The following IL1RAPL1 variants were observed in gnomAD, a reference collection of about 807,000 sequenced individuals.
The protein encoded by IL1RAPL1 is interleukin 1 receptor accessory protein like 1, also known as interleukin-1 receptor accessory protein-like 1.
A neutral mutation model predicts 48.4 loss-of-function variants in IL1RAPL1; 3 were observed. The ratio of observed to expected loss-of-function variants is 0.06; its 90% CI spans 0.03 to 0.16. The LOEUF is 0.16. IL1RAPL1 is among the 10% of genes least tolerant of loss of function. The pLI, the probability that IL1RAPL1 is intolerant of heterozygous loss-of-function variation, is 1.00. For synonymous variants in IL1RAPL1, 185 were observed against 187.7 expected (o/e 0.99, Z 0.12); for missense variants, 349 against 530.6 (o/e 0.66, Z 3.36).
chrX:28,632,617 A>C (rs1214260328), intron 1 of IL1RAPL1, among the ~76,000 whole-genome samples: 1 of 112,008 alleles, frequency 8.9e-6, no homozygotes, highest in East Asian at 2.8e-4. Flanking sequence ...TACCATGTCA[A>C]ACATTAAAAT....
At chrX:29,150,600 A>G (rs1929443563) in intron 2 of IL1RAPL1, among the ~76,000 whole-genome samples, 1 of 110,346 alleles carries the variant, frequency 9.1e-6, no homozygotes, top group Non-Finnish European at 1.9e-5. Context: ...CAGTAAATAC[A>G]AGATGGGTGT....
intron 2 of IL1RAPL1, among the ~76,000 whole-genome samples, chrX:29,060,334 G>A (rs747013886): frequency 5.4e-4 from 60 of 111,501 alleles, no homozygotes; most frequent in Non-Finnish European, 3.2e-4. Flanking sequence ...CCACAATTCC[G>A]TAAGTTGTCT....
At chrX:29,094,355 G>C (rs997497831) in intron 2 of IL1RAPL1, among the ~76,000 whole-genome samples, 1 of 111,454 alleles carries the variant, frequency 9.0e-6, no homozygotes, top group Admixed American at 9.6e-5. Flanking sequence ...TTTACAATGA[G>C]TGCCTTTCAA....
intron 2 of IL1RAPL1, among the ~76,000 whole-genome samples, chrX:28,912,935 G>C (rs1196457031): frequency 9.0e-6 from 1 of 111,432 alleles, no homozygotes; most frequent in Non-Finnish European, 1.9e-5. Context: ...AAGGTTTTGT[G>C]ATTATTTTAT....
At chrX:29,520,708 G>T (rs1315665069) in intron 5 of IL1RAPL1, among the ~76,000 whole-genome samples, 1 of 111,148 alleles carries the variant, frequency 9.0e-6, no homozygotes, top group Non-Finnish European at 1.9e-5. Flanking sequence ...ATAACAAAAG[G>T]CTTATTATTA....
At chrX:29,755,001 T>C (rs1264847868) in intron 6 of IL1RAPL1, among the ~76,000 whole-genome samples, 1 of 112,355 alleles carries the variant, frequency 8.9e-6, no homozygotes, top group Non-Finnish European at 1.9e-5. Flanking sequence ...GGGAAGGATC[T>C]GCTTCTATAT....
At chrX:28,906,447 G>C (rs2147329359) in intron 2 of IL1RAPL1, among the ~76,000 whole-genome samples, 1 of 111,993 alleles carries the variant, frequency 8.9e-6, no homozygotes, top group African/African-American at 3.2e-5. Context: ...ACGTAATGAG[G>C]TAATAGGAAA....
chrX:29,454,014 C>G (rs187376115), intron 5 of IL1RAPL1, among the ~76,000 whole-genome samples: 1 of 111,842 alleles, frequency 8.9e-6, no homozygotes, highest in Non-Finnish European at 1.9e-5. Context: ...TTTCCTTAGA[C>G]AAAATAAAGA....
chrX:28,838,780 T>C (rs1053615863), intron 2 of IL1RAPL1, among the ~76,000 whole-genome samples: 3 of 111,001 alleles, frequency 2.7e-5, no homozygotes, highest in Admixed American at 9.7e-5. Context: ...TTTAATAATA[T>C]ATGTATAAGC....
intron 1 of IL1RAPL1, among the ~76,000 whole-genome samples, chrX:28,611,813 G>A (rs747597609): frequency 8.9e-5 from 10 of 112,624 alleles, no homozygotes; most frequent in Non-Finnish European, 1.7e-4. Flanking sequence ...GCTTCTCATA[G>A]GAGAGATGAC....
At chrX:29,677,256 T>C (rs1926312546) in intron 6 of IL1RAPL1, among the ~76,000 whole-genome samples, 1 of 112,211 alleles carries the variant, frequency 8.9e-6, no homozygotes, top group Non-Finnish European at 1.9e-5. Context: ...TATTTTATGC[T>C]TTCATGTTAA....
chrX:29,586,109 G>A (rs1923150342), intron 5 of IL1RAPL1, among the ~76,000 whole-genome samples: 1 of 111,710 alleles, frequency 9.0e-6, no homozygotes, highest in Non-Finnish European at 1.9e-5. Flanking sequence ...TCATATTCAT[G>A]AAGCAATTGG....
chrX:29,597,908 TCTTC>T (rs1923601474), intron 5 of IL1RAPL1, among the ~76,000 whole-genome samples: 1 of 112,507 alleles, frequency 8.9e-6, no homozygotes, highest in Non-Finnish European at 1.9e-5. Flanking sequence ...CTTATTTGCA[TCTTC>T]CTTCTTCTTT....
chrX:28,736,407 C>T (rs1370879872), intron 1 of IL1RAPL1, among the ~76,000 whole-genome samples: 1 of 98,123 alleles, frequency 1.0e-5, no homozygotes, highest in African/African-American at 3.8e-5. Context: ...GTATTCCAGA[C>T]CGGGCAATAG....
At chrX:29,561,395 G>A (rs1020773455) in intron 5 of IL1RAPL1, among the ~76,000 whole-genome samples, 1 of 112,148 alleles carries the variant, frequency 8.9e-6, no homozygotes, top group Non-Finnish European at 1.9e-5. Context: ...CAGGGTTCAT[G>A]GAGTTCATGA....
At chrX:28,777,328 T>A (rs1270505413) in intron 1 of IL1RAPL1, among the ~76,000 whole-genome samples, 2 of 111,480 alleles carry the variant, frequency 1.8e-5, no homozygotes, top group Non-Finnish European at 3.8e-5. Context: ...TGGAATAATC[T>A]CCTTATCTCA....
At chrX:29,479,763 A>G (rs954187014) in intron 5 of IL1RAPL1, among the ~76,000 whole-genome samples, 1 of 110,727 alleles carries the variant, frequency 9.0e-6, no homozygotes, top group African/African-American at 3.3e-5. Context: ...GTGAGAACAT[A>G]TGGTATTTGG....
chrX:28,821,040 G>A (rs752728135), intron 2 of IL1RAPL1, among the ~76,000 whole-genome samples: 4 of 111,084 alleles, frequency 3.6e-5, no homozygotes, highest in Non-Finnish European at 7.6e-5. Flanking sequence ...TAATAACACC[G>A]GACGCTGTCA....
chrX:28,836,497 A>C (rs1921221810), intron 2 of IL1RAPL1, among the ~76,000 whole-genome samples: 1 of 108,467 alleles, frequency 9.2e-6, no homozygotes, highest in South Asian at 3.9e-4. Context: ...TCTCTCTTTG[A>C]AATTAAGGGG....
Sources: gnomAD v4.1 joint callset for allele counts (sites outside exome capture counted in the v4.1 genomes callset) on GRCh38, gnomAD v4.1.1 for gene constraint, MANE v1.5 for transcripts, NCBI Gene and HGNC (gene_info 2026-07-23, HGNC 2026-07-21) for gene names.